The following CLIC4 variants were observed in gnomAD, a reference collection of about 807,000 sequenced individuals.
The protein encoded by CLIC4 is CLIC family member 4, also known as chloride intracellular channel protein 4.
CLIC4 carries 13 observed loss-of-function variants against 24.6 expected under a neutral mutation model. That is an observed-to-expected ratio of 0.53 (90% CI 0.34 to 0.84). CLIC4 has a LOEUF of 0.84. Ranked by LOEUF, CLIC4 falls within the 40% of genes least tolerant of loss-of-function variation. The pLI is 0.01. For synonymous variants in CLIC4, 104 were observed against 111.3 expected, an observed-to-expected ratio of 0.93 and a Z score of 0.41; for missense variants, 227 against 301.7, an observed-to-expected ratio of 0.75 and a Z score of 1.83.
rs779427717 is a variant in CLIC4, at chr1:24,814,204, T to A, written c.293T>A (p.Val98Asp). ...VNKIEEFLEE[V>D]LCPPKYLKLS... is the part of the protein sequence containing the mutation. The stretch of plus-strand genomic sequence containing the variant: ...AAGATTGAGGAATTTCTTGAAGAAG[T>A]CTTATGCCCTCCCAAGTGAGTATCA... The change falls in exon 3 of 6, where the codon GTC becomes GAC. Residue 98 changes from valine (V) to aspartate (D), a missense_variant. Transcript: ENST00000374379. The A allele has an allele frequency of 6.2e-7, 1 of 1,613,306 alleles. No homozygotes were observed. Among genetic ancestry groups the A allele is most frequent in the Non-Finnish European group, 8.5e-7 (1 of 1,179,784 alleles).
At chr1:24,790,065 T>A (rs1022708335) in intron 1 of CLIC4, among the ~76,000 whole-genome samples, 6 of 152,178 alleles carry the variant, frequency 3.9e-5, no homozygotes, top group Admixed American at 2.0e-4. Flanking sequence ...CTCATTTTTA[T>A]TTTTTTATTT....
At chr1:24,752,042 A>T (rs772151797) in intron 1 of CLIC4, among the ~76,000 whole-genome samples, 4 of 152,194 alleles carry the variant, frequency 2.6e-5, no homozygotes, top group Non-Finnish European at 4.4e-5. Context: ...GCAGGGTGGC[A>T]TAACACATAA....
intron 3 of CLIC4, among the ~76,000 whole-genome samples, chr1:24,821,783 C>T (rs539033906): frequency 9.9e-5 from 15 of 152,158 alleles, no homozygotes; most frequent in Admixed American, 7.9e-4. Context: ...AGGGTCTCGC[C>T]GTGTTACCCA....
intron 1 of CLIC4, among the ~76,000 whole-genome samples, chr1:24,784,549 T>A (rs3122056): frequency 0.047 from 7,095 of 152,232 alleles, 536 homozygotes; most frequent in African/African-American, 0.16. Flanking sequence ...CTGGAGTTTC[T>A]TCTAGCCCTG....
chr1:24,775,224 C>CTTTTTTTTTTTTTTTTTTTTTTTTTTTTT, intron 1 of CLIC4, among the ~76,000 whole-genome samples: 7 of 90,656 alleles, frequency 7.7e-5, no homozygotes, highest in East Asian at 3.4e-4. Context: ...TTCTTTCTTT[C>CTTTTTTTTTTTTTTTTTTTTTTTTTTTTT]TTTTTTTTTT....
chr1:24,756,341 G>C (rs964783184), intron 1 of CLIC4, among the ~76,000 whole-genome samples: 1 of 152,192 alleles, frequency 6.6e-6, no homozygotes, highest in African/African-American at 2.4e-5. Context: ...ACCAGGGCCA[G>C]GAACGGACCT....
At chr1:24,836,921 AT>A (rs1326353265) in intron 4 of CLIC4, among the ~76,000 whole-genome samples, 1 of 152,232 alleles carries the variant, frequency 6.6e-6, no homozygotes, top group African/African-American at 2.4e-5. Flanking sequence ...TAATCCACAG[AT>A]TGAAAAAGAA....
At chr1:24,803,286 T>C (rs1639510262) in intron 2 of CLIC4, among the ~76,000 whole-genome samples, 1 of 152,156 alleles carries the variant, frequency 6.6e-6, no homozygotes, top group African/African-American at 2.4e-5. Flanking sequence ...TTGCCTAATA[T>C]CTTGGTGAGA....
intron 4 of CLIC4, among the ~76,000 whole-genome samples, chr1:24,831,375 A>G (rs1305135148): frequency 1.3e-5 from 2 of 152,150 alleles, no homozygotes; most frequent in Non-Finnish European, 2.9e-5. Context: ...GACGAATACT[A>G]TGTTATAAAC....
chr1:24,838,378 G>A (rs759219267), intron 4 of CLIC4, among the ~76,000 whole-genome samples: 6 of 151,898 alleles, frequency 4.0e-5, no homozygotes, highest in East Asian at 1.9e-4. Context: ...CCTAAAATCC[G>A]TTCATTCCTT....
chr1:24,813,951 TA>T, intron 2 of CLIC4, 142 bp from the exon 3 acceptor site: 1 of 873,924 alleles, frequency 1.1e-6, no homozygotes, highest in Non-Finnish European at 1.8e-6. Flanking sequence ...ACTCCTGGGC[TA>T]AGCAGTGTCC....
At chr1:24,812,618 A>G (rs1401448882) in intron 2 of CLIC4, among the ~76,000 whole-genome samples, 2 of 151,294 alleles carry the variant, frequency 1.3e-5, no homozygotes, top group East Asian at 3.9e-4. Context: ...ATTTTGGTTA[A>G]AAAAAAAATC....
At chr1:24,753,983 G>C (rs1638811038) in intron 1 of CLIC4, among the ~76,000 whole-genome samples, 2 of 152,180 alleles carry the variant, frequency 1.3e-5, no homozygotes, top group Admixed American at 1.3e-4. Flanking sequence ...TCAATATTCA[G>C]ACAATATTAC....
intron 3 of CLIC4, among the ~76,000 whole-genome samples, chr1:24,823,482 T>C (rs901441369): frequency 6.6e-6 from 1 of 152,150 alleles, no homozygotes; most frequent in Non-Finnish European, 1.5e-5. Flanking sequence ...TTTTTAAAAA[T>C]GAGACATACA....
chr1:24,799,260 C>G (rs530328887), intron 2 of CLIC4, among the ~76,000 whole-genome samples: 2 of 151,294 alleles, frequency 1.3e-5, no homozygotes, highest in South Asian at 2.1e-4. Context: ...TCTGCCCGGC[C>G]GCCCATCGTC....
At chr1:24,780,904 A>G (rs1405954782) in intron 1 of CLIC4, among the ~76,000 whole-genome samples, 1 of 151,462 alleles carries the variant, frequency 6.6e-6, no homozygotes, top group Non-Finnish European at 1.5e-5. Context: ...CCTGACCAAC[A>G]TGGAGAAGCC....
intron 1 of CLIC4, among the ~76,000 whole-genome samples, chr1:24,785,328 T>G (rs1332839912): frequency 6.6e-6 from 1 of 152,172 alleles, no homozygotes; most frequent in Non-Finnish European, 1.5e-5. Context: ...ACTGTGTGTA[T>G]CCTAACTTAT....
chr1:24,798,828 G>A lies in CLIC4; in HGVS notation c.182+977G>A, dbSNP rs1639436969. Among the ~76,000 whole-genome samples, 3 of 152,212 alleles carry A rather than the reference G, an allele frequency of 2.0e-5. No homozygotes were observed. In the South Asian group the frequency reaches 6.2e-4, roughly 31 times the overall value. On this transcript the variant is annotated intron_variant, in intron 2 of 5. Transcript: ENST00000374379. ...GCGCCGCCACGCCTGACTGGTTTTG[G>A]TGGAGACGGGGTTTCGCTGTGTTGG... is the stretch of plus-strand genomic sequence containing the variant.
chr1:24,828,567 T>G (rs1488490217), intron 4 of CLIC4, among the ~76,000 whole-genome samples: 1 of 152,124 alleles, frequency 6.6e-6, no homozygotes, highest in East Asian at 1.9e-4. Context: ...GTTACAGTTA[T>G]GTTTTTATTT....
Sources: gnomAD v4.1 joint callset for allele counts (sites outside exome capture counted in the v4.1 genomes callset) on GRCh38, gnomAD v4.1.1 for gene constraint, MANE v1.5 for transcripts, NCBI Gene and HGNC (gene_info 2026-07-23, HGNC 2026-07-21) for gene names.